NMNAT1: variants seen among roughly 807,000 people sequenced by gnomAD.
NMNAT1 encodes the protein nicotinamide nucleotide adenylyltransferase 1, also known as nicotinamide/nicotinic acid mononucleotide adenylyltransferase 1.
Under a neutral mutation model 16.7 loss-of-function variants are expected in NMNAT1, and 11 were observed. The ratio of observed to expected loss-of-function variants is 0.66; its 90% CI spans 0.41 to 1.09. The LOEUF (loss-of-function observed/expected upper bound fraction) is 1.09, where lower values mean the gene tolerates loss of function less well. Ranked by LOEUF, NMNAT1 falls within the 50% of genes least tolerant of loss-of-function variation. The pLI is 0.00. For synonymous variants in NMNAT1, 110 were observed against 119.8 expected (o/e 0.92, Z 0.53); for missense variants, 280 against 332.3 (o/e 0.84, Z 1.22).
chr1:9,996,135 C>T, the NMNAT1 span, among the ~76,000 whole-genome samples: 2 of 151,754 alleles, frequency 1.3e-5, no homozygotes, highest in East Asian at 3.9e-4. Context: ...CACGGTGAAA[C>T]CCCGTCTCTA....
At chr1:9,965,067 C>T (rs892899281) in intron 1 of NMNAT1, among the ~76,000 whole-genome samples, 8 of 151,544 alleles carry the variant, frequency 5.3e-5, no homozygotes, top group African/African-American at 1.9e-4. Context: ...GCCTGTAATT[C>T]CAGCACTTTG....
intron 1 of NMNAT1, among the ~76,000 whole-genome samples, chr1:9,944,860 A>T (rs547936646): frequency 2.6e-5 from 4 of 152,242 alleles, no homozygotes; most frequent in Non-Finnish European, 4.4e-5. Context: ...AGCCCACCTT[A>T]GAGAAGACTG....
chr1:9,957,909 C>T (rs1288276183), intron 1 of NMNAT1, among the ~76,000 whole-genome samples: 3 of 152,168 alleles, frequency 2.0e-5, no homozygotes, highest in Non-Finnish European at 2.9e-5. Context: ...GCCTGTCACC[C>T]TCAGCCCTGC....
In NMNAT1 at chr1:9,982,779, G is replaced by A. The variant is rs896941755; in HGVS notation, c.*78G>A. The A allele has an allele frequency of 7.2e-7, 1 of 1,392,080 alleles. No individual in the cohort carries two copies. The highest frequency in any genetic ancestry group is 9.7e-7 in the Non-Finnish European group (1 of 1,027,122). The allele number at this position is 1,392,080 out of a possible 1,614,324, so 86.2% of individuals were successfully genotyped here. On this transcript the variant is annotated 3_prime_UTR_variant, in exon 5 of 5. Coordinates refer to ENST00000377205, the MANE Select transcript of NMNAT1 (RefSeq NM_022787.4). ...TGGGAGTTAATAACTGGGGAAAGAA[G>A]TTGTGATCTGTTGCCTAAACTAAAG...
At position 9,985,277 on chromosome 1, in the gene NMNAT1, G is replaced by A. The variant is rs1642030948; in HGVS notation, c.*2576G>A. 6.6e-6 allele frequency: 1 copy of A among 152,148 alleles called. No individual in the cohort carries two copies. Among genetic ancestry groups the A allele is most frequent in the Non-Finnish European group, 1.5e-5 (1 of 68,044 alleles). 9.4% of individuals were successfully genotyped at this position (152,148 alleles called of 1,614,324 possible). On this transcript the variant is annotated 3_prime_UTR_variant, in exon 5 of 5. Transcript: ENST00000377205. ...TCAGCACTTCCTGAACACTTACTGT[G>A]TGCTTGGCTTGTGCTCCTGAGTGCC... is the stretch of plus-strand genomic sequence containing the variant.
At chr1:9,959,373 GAAAAAAAAAAAAAAAA>G (rs70998331) in intron 1 of NMNAT1, among the ~76,000 whole-genome samples, 1 of 117,614 alleles carries the variant, frequency 8.5e-6, no homozygotes, top group Non-Finnish European at 1.7e-5. Flanking sequence ...CTCCATCTTG[GAAAAAAAAAAAAAAAA>G]AAAAAAAAAG....
chr1:9,953,876 G>A (rs1414502728), intron 1 of NMNAT1, among the ~76,000 whole-genome samples: 3 of 130,702 alleles, frequency 2.3e-5, no homozygotes, highest in African/African-American at 8.5e-5. Context: ...CACGATCTTG[G>A]CTCACTGCAA....
chr1:9,958,241 A>C (rs1641315633), intron 1 of NMNAT1, among the ~76,000 whole-genome samples: 1 of 152,158 alleles, frequency 6.6e-6, no homozygotes, highest in Non-Finnish European at 1.5e-5. Flanking sequence ...ATAATGTTAC[A>C]TTTAACTACA....
intron 1 of NMNAT1, among the ~76,000 whole-genome samples, chr1:9,949,181 C>T (rs1332315740): frequency 6.6e-6 from 1 of 150,706 alleles, no homozygotes; most frequent in Non-Finnish European, 1.5e-5. Flanking sequence ...GAGGCAGAAT[C>T]GCTTGAACCC....
At chr1:9,959,331 C>T (rs1245348347) in intron 1 of NMNAT1, among the ~76,000 whole-genome samples, 4 of 133,006 alleles carry the variant, frequency 3.0e-5, no homozygotes, top group Non-Finnish European at 6.2e-5. Context: ...GAGATCGTGC[C>T]ATTGCACTAC....
At chr1:9,958,180 C>T (rs1201832403) in intron 1 of NMNAT1, among the ~76,000 whole-genome samples, 1 of 152,060 alleles carries the variant, frequency 6.6e-6, no homozygotes, top group Non-Finnish European at 1.5e-5. Flanking sequence ...TTACATTACT[C>T]GTTTAGTGAT....
intron 1 of NMNAT1, among the ~76,000 whole-genome samples, chr1:9,970,420 C>T (rs957756352): frequency 2.8e-4 from 43 of 151,982 alleles, no homozygotes; most frequent in Admixed American, 2.6e-3. Context: ...TTAGGCCAGG[C>T]GCAGTGGCTC....
intron 1 of NMNAT1, among the ~76,000 whole-genome samples, chr1:9,969,905 A>G (rs1354520357): frequency 6.6e-6 from 1 of 152,216 alleles, no homozygotes; most frequent in Non-Finnish European, 1.5e-5. Flanking sequence ...CATGATGGAT[A>G]GAAACAAAGC....
chr1:9,971,935 A>T (rs1398106660), intron 1 of NMNAT1, 83 bp from the exon 2 acceptor site: 16 of 640,086 alleles, frequency 2.5e-5, no homozygotes, highest in Non-Finnish European at 4.3e-5. Flanking sequence ...GCATCACTAC[A>T]CTCTAGCCAG....
At chr1:9,943,008 C>G (rs544483808), upstream of NMNAT1, 4 of 332,122 alleles carry the variant, frequency 1.2e-5, no homozygotes, top group Admixed American at 7.6e-5. Context: ...TGGCGTCAAA[C>G]CCAGAGGCTT....
At chr1:9,967,536 A>T (rs1236840691) in intron 1 of NMNAT1, 1 of 152,188 alleles carries the variant, frequency 6.6e-6, no homozygotes, top group African/African-American at 2.4e-5. Flanking sequence ...TTTCAGAATA[A>T]TAGCTTCACA....
chr1:9,975,439 T>G (rs1421275781), intron 2 of NMNAT1, among the ~76,000 whole-genome samples, 153 bp from the exon 3 acceptor site: 1 of 152,138 alleles, frequency 6.6e-6, no homozygotes, highest in Non-Finnish European at 1.5e-5. Flanking sequence ...AGGCGGAGGT[T>G]GCAGTGAGCC....
chr1:9,986,098 G>A (rs151143608), downstream of NMNAT1, among the ~76,000 whole-genome samples: 1 of 152,150 alleles, frequency 6.6e-6, no homozygotes, highest in East Asian at 1.9e-4. Context: ...TCTCCCTCAC[G>A]TGTCTTACCA....
At chr1:9,958,621 G>A (rs1203729557) in intron 1 of NMNAT1, among the ~76,000 whole-genome samples, 2 of 151,846 alleles carry the variant, frequency 1.3e-5, no homozygotes, top group Non-Finnish European at 2.9e-5. Context: ...TGTATTTTTA[G>A]TAGAGATGGG....
Sources: allele counts gnomAD v4.1 joint callset (sites outside exome capture counted in the v4.1 genomes callset), GRCh38; gene constraint gnomAD v4.1.1; transcripts MANE v1.5; gene names NCBI Gene and HGNC (gene_info 2026-07-23, HGNC 2026-07-21).